Variants in SSU72 observed in about 807,000 individuals in gnomAD.
SSU72 encodes the protein RNA polymerase II subunit A C-terminal domain phosphatase SSU72.
SSU72 carries 12 observed loss-of-function variants against 22.7 expected under a neutral mutation model. That is an observed-to-expected ratio of 0.53 (90% CI 0.34 to 0.86). SSU72 has a LOEUF of 0.86. SSU72 is among the 40% of genes least tolerant of loss of function. The pLI is 0.02. For synonymous variants in SSU72, 116 were observed against 98.3 expected (o/e 1.18, Z -1.06); for missense variants, 151 against 249.8 (o/e 0.60, Z 2.67).
Position 1,542,571 on chromosome 1 carries a change from C to T in SSU72, c.484-404G>A, listed in dbSNP as rs371592567. On this transcript the variant is annotated intron_variant, in intron 4 of 4. Transcript: ENST00000291386. This position sits in a 1 kb window ranked among gnomAD's most constrained non-coding sequence, Gnocchi z 4.4. ...GTCATCGGAGCATCCTGGCCTCCAT[C>T]CACCAGAGCCCCTGGCAGAGGGCCG... Among the ~76,000 whole-genome samples, 2 of 152,266 alleles carry T rather than the reference C, an allele frequency of 1.3e-5. No homozygotes were observed. Among genetic ancestry groups the T allele is most frequent in the African/African-American group, 4.8e-5 (2 of 41,554 alleles).
At chr1:1,551,093 G>A (rs1229641725) in intron 2 of SSU72, among the ~76,000 whole-genome samples, 1 of 152,134 alleles carries the variant, frequency 6.6e-6, no homozygotes. Context: ...GACCTTCCAT[G>A]TGGGTTAAAT....
chr1:1,562,068 G>C (rs1161777300), intron 2 of SSU72: 1 of 152,258 alleles, frequency 6.6e-6, no homozygotes. Context: ...CCTTCTTTTA[G>C]AATGACCAGA....
intron 2 of SSU72, chr1:1,564,392 A>T: frequency 7.7e-7 from 1 of 1,304,038 alleles, no homozygotes; most frequent in Non-Finnish European, 1.0e-6. Context: ...TCAGGCACGC[A>T]CGCACACACG....
At chr1:1,568,895 G>C (rs1331548096) in intron 1 of SSU72, among the ~76,000 whole-genome samples, 1 of 152,028 alleles carries the variant, frequency 6.6e-6, no homozygotes, top group Non-Finnish European at 1.5e-5. Flanking sequence ...AATAAGGCCA[G>C]GCACGGTGGC....
At chr1:1,572,882 G>T (rs1390280314) in intron 1 of SSU72, among the ~76,000 whole-genome samples, 2 of 147,476 alleles carry the variant, frequency 1.4e-5, no homozygotes, top group African/African-American at 5.1e-5. Flanking sequence ...TGTCTTGGGG[G>T]GGGGGGGGTG....
intron 2 of SSU72, among the ~76,000 whole-genome samples, chr1:1,549,554 T>C (rs1466836229): frequency 2.0e-5 from 3 of 149,816 alleles, no homozygotes; most frequent in African/African-American, 7.3e-5. Context: ...AAAAAAAGGC[T>C]GCAGCCAGGC....
rs1336574186 is a variant in SSU72 at position 1,542,008 on chromosome 1, G to A, written c.*58C>T. On this transcript the variant is annotated 3_prime_UTR_variant, in exon 5 of 5. Transcript: ENST00000291386. The surrounding 1 kb of genome is among the most constrained non-coding windows in gnomAD (Gnocchi z 4.4). Reference sequence around the variant, plus strand: ...ACCTGTAAGTAAAAACAAATGTCAGGAAGGAAAAAGTATGAACAACAGGAA... The same window carrying A: ...ACCTGTAAGTAAAAACAAATGTCAGAAAGGAAAAAGTATGAACAACAGGAA... The A allele has an allele frequency of 1.3e-6, 2 of 1,497,652 alleles. No individual in the cohort carries two copies. The highest frequency in any genetic ancestry group is 1.8e-6 in the Non-Finnish European group (2 of 1,099,222). The allele number at this position is 1,497,652 out of a possible 1,614,324, so 92.8% of individuals were successfully genotyped here.
In SSU72 at chr1:1,567,912, C is replaced by CAAAAAA. The variant is rs71574349; in HGVS notation, c.81-3002_81-2997dup. Among the ~76,000 whole-genome samples, 304 of 98,356 alleles carry CAAAAAA rather than the reference C, an allele frequency of 3.1e-3. 22 individuals are homozygous for CAAAAAA. The East Asian group carries it at 0.06, about 19-fold the overall frequency. 64.5% of individuals were successfully genotyped at this position (98,356 alleles called of 152,430 possible). On this transcript the variant is annotated intron_variant, in intron 1 of 4. Transcript: ENST00000291386. ...TGGGAAACAGAGCGATACTCTGTTT[C>CAAAAAA]AAAAAAAAAAAAAAAAATCGCACAA... is the stretch of plus-strand genomic sequence containing the variant.
intron 2 of SSU72, among the ~76,000 whole-genome samples, chr1:1,559,931 G>A (rs1231691929): frequency 1.3e-5 from 2 of 151,988 alleles, no homozygotes; most frequent in East Asian, 3.9e-4. Context: ...CTCCATTTTG[G>A]TCAGGCTGCT....
At chr1:1,564,706 A>T in intron 2 of SSU72, 67 bp downstream of exon 2, 1 of 1,614,178 alleles carries the variant, frequency 6.2e-7, no homozygotes, top group Non-Finnish European at 8.5e-7. Flanking sequence ...CCTGTGCCCG[A>T]GCCACACGTA....
intron 2 of SSU72, among the ~76,000 whole-genome samples, chr1:1,550,308 T>C (rs1055675939): frequency 1.3e-5 from 2 of 152,034 alleles, no homozygotes; most frequent in Admixed American, 1.3e-4. Flanking sequence ...AGCTGGTGCC[T>C]CAGAGGGGCC....
At position 1,564,714 on chromosome 1, in the gene SSU72, G is replaced by A. The variant is rs538049050; in HGVS notation, c.224+59C>T. ...CACGCCTCCTGTGCCCGAGCCACAC[G>A]TAACACCTTCCAGGGAGGACCACAC... On this transcript the variant is annotated intron_variant, in intron 2 of 4. Coordinates refer to ENST00000291386, the MANE Select transcript of SSU72 (RefSeq NM_014188.3). 24 of 1,614,220 alleles carry A rather than the reference G, an allele frequency of 1.5e-5. No individual in the cohort carries two copies. The East Asian group carries it at 2.0e-4, about 13-fold the overall frequency.
chr1:1,568,396 A>ACTGT (rs1642687549), intron 1 of SSU72, among the ~76,000 whole-genome samples: 1 of 152,144 alleles, frequency 6.6e-6, no homozygotes, highest in African/African-American at 2.4e-5. Context: ...GTTTGAGACC[A>ACTGT]GCCTGGCCAA....
intron 2 of SSU72, among the ~76,000 whole-genome samples, chr1:1,552,908 CT>C (rs1642469940): frequency 6.6e-6 from 1 of 151,374 alleles, no homozygotes; most frequent in South Asian, 2.1e-4. Flanking sequence ...GTAATCCCAG[CT>C]ACTTGGGAGG....
At chr1:1,551,878 C>G (rs1642460386) in intron 2 of SSU72, among the ~76,000 whole-genome samples, 2 of 152,220 alleles carry the variant, frequency 1.3e-5, no homozygotes, top group Non-Finnish European at 2.9e-5. Context: ...CCTTTCCCAA[C>G]AATGGCCCGG....
chr1:1,563,592 C>T (rs1642622409), intron 2 of SSU72: 1 of 151,948 alleles, frequency 6.6e-6, no homozygotes, highest in African/African-American at 2.4e-5. Flanking sequence ...TGGCTCACGC[C>T]TGTAATCCCA....
chr1:1,567,725 T>C (rs1483145678), intron 1 of SSU72, among the ~76,000 whole-genome samples: 1 of 152,008 alleles, frequency 6.6e-6, no homozygotes, highest in Admixed American at 6.6e-5. Context: ...GACAACAGCC[T>C]GGCCAACATG....
At chr1:1,549,881 G>T (rs1480096594) in intron 2 of SSU72, among the ~76,000 whole-genome samples, 2 of 151,444 alleles carry the variant, frequency 1.3e-5, no homozygotes, top group Admixed American at 1.3e-4. Context: ...GCTGGGGCAG[G>T]AGAATAGCTT....
At chr1:1,567,435 C>G (rs554641397) in intron 1 of SSU72, among the ~76,000 whole-genome samples, 1 of 152,186 alleles carries the variant, frequency 6.6e-6, no homozygotes, top group Non-Finnish European at 1.5e-5. Context: ...GGCACCCGGA[C>G]TGTGAAATAA....
Sources: allele counts gnomAD v4.1 joint callset (sites outside exome capture counted in the v4.1 genomes callset), GRCh38; gene constraint gnomAD v4.1.1; non-coding constraint Gnocchi (gnomAD v3.1); transcripts MANE v1.5; gene names NCBI Gene and HGNC (gene_info 2026-07-23, HGNC 2026-07-21).